Variants in DENND1B observed in about 807,000 individuals in gnomAD.
DENND1B encodes the protein DENN domain-containing protein 1B.
A neutral mutation model predicts 90.1 loss-of-function variants in DENND1B; 59 were observed. The observed-to-expected ratio is 0.65, with a 90% CI of 0.53 to 0.81. The LOEUF is 0.81. Ranked by LOEUF, DENND1B falls within the 40% of genes least tolerant of loss-of-function variation. The pLI, the probability that DENND1B is intolerant of heterozygous loss-of-function variation, is 0.00. For synonymous variants in DENND1B, 337 were observed against 324.6 expected, an observed-to-expected ratio of 1.04 and a Z score of -0.41; for missense variants, 862 against 912.6, an observed-to-expected ratio of 0.94 and a Z score of 0.71.
intron 20 of DENND1B, among the ~76,000 whole-genome samples, chr1:197,535,517 C>T (rs1322258798): frequency 6.6e-6 from 1 of 152,176 alleles, no homozygotes; most frequent in Non-Finnish European, 1.5e-5. Flanking sequence ...ATACTCAGAA[C>T]AGCATGTCAT....
chr1:197,623,519 ATGTT>A (rs1678362628), intron 10 of DENND1B, among the ~76,000 whole-genome samples: 1 of 151,532 alleles, frequency 6.6e-6, no homozygotes, highest in Admixed American at 6.6e-5. Flanking sequence ...TTATAAGAAA[ATGTT>A]TGGAGAACAG....
chr1:197,578,234 TTTGTTG>T lies in DENND1B; in HGVS notation c.1149+4912_1149+4917del, dbSNP rs372241433. Among the ~76,000 whole-genome samples, 700 of 151,708 alleles carry T rather than the reference TTTGTTG, an allele frequency of 4.6e-3. 11 individuals are homozygous for T. Among genetic ancestry groups the T allele is most frequent in the African/African-American group, 0.016 (645 of 41,390 alleles). ...TTGCTAAAAGAGTAGGGTTTTTGTT[TTTGTTG>T]TTGTTGTTGTTGTTGTTTCTTTGAG... On this transcript the variant is annotated intron_variant, in intron 15 of 22. Transcript: ENST00000620048.
chr1:197,579,538 G>A (rs183705330), intron 15 of DENND1B, among the ~76,000 whole-genome samples: 55 of 145,148 alleles, frequency 3.8e-4, no homozygotes, highest in African/African-American at 1.4e-3. Context: ...TGGATGTTAA[G>A]ACTTTATAAA....
chr1:197,630,223 A>G (rs892698190), intron 10 of DENND1B, among the ~76,000 whole-genome samples: 2 of 152,088 alleles, frequency 1.3e-5, no homozygotes, highest in Non-Finnish European at 2.9e-5. Flanking sequence ...GGGCTACTAT[A>G]ACAAAATACC....
At chr1:197,697,252 AT>A (rs891715747) in intron 3 of DENND1B, among the ~76,000 whole-genome samples, 32 of 150,854 alleles carry the variant, frequency 2.1e-4, no homozygotes, top group Admixed American at 2.7e-4. Context: ...ATAGCAGGGG[AT>A]TTTTTTTTAT....
At chr1:197,733,919 C>T (rs192708930) in intron 2 of DENND1B, 63 of 263,948 alleles carry the variant, frequency 2.4e-4, no homozygotes, top group African/African-American at 9.0e-4. Context: ...TTCCTCTATA[C>T]GTGCTCTTAA....
intron 16 of DENND1B, among the ~76,000 whole-genome samples, chr1:197,549,585 T>A (rs560484683): frequency 6.6e-6 from 1 of 152,238 alleles, no homozygotes; most frequent in African/African-American, 2.4e-5. Context: ...AGAAAGAATA[T>A]GTTCTTAACT....
chr1:197,707,282 A>G (rs1213503072), intron 3 of DENND1B, among the ~76,000 whole-genome samples: 1 of 152,148 alleles, frequency 6.6e-6, no homozygotes, highest in African/African-American at 2.4e-5. Context: ...TGGGGCTGAT[A>G]GCCAGAGGTT....
intron 2 of DENND1B, among the ~76,000 whole-genome samples, chr1:197,763,864 C>T (rs995735120): frequency 8.5e-5 from 13 of 152,180 alleles, no homozygotes; most frequent in African/African-American, 2.9e-4. Flanking sequence ...CAATTATTGA[C>T]TTGAAATTGA....
intron 20 of DENND1B, among the ~76,000 whole-genome samples, chr1:197,528,956 T>C (rs939921075): frequency 1.4e-4 from 21 of 151,946 alleles, no homozygotes; most frequent in African/African-American, 5.1e-4. Context: ...AAAATAAACG[T>C]CCACCAGTTT....
At chr1:197,672,765 G>T (rs911659252) in intron 4 of DENND1B, among the ~76,000 whole-genome samples, 11 of 151,912 alleles carry the variant, frequency 7.2e-5, no homozygotes, top group African/African-American at 2.7e-4. Flanking sequence ...AAAATAAAAG[G>T]CTTATCAGCT....
chr1:197,683,231 T>C (rs975302269), intron 3 of DENND1B, among the ~76,000 whole-genome samples: 10 of 152,278 alleles, frequency 6.6e-5, no homozygotes, highest in African/African-American at 2.2e-4. Flanking sequence ...ATCTAAATTA[T>C]AGCTGAAAAA....
At chr1:197,613,572 C>CA (rs1007548569) in intron 11 of DENND1B, among the ~76,000 whole-genome samples, 5 of 150,780 alleles carry the variant, frequency 3.3e-5, no homozygotes, top group African/African-American at 1.2e-4. Flanking sequence ...ACAGGAGGAA[C>CA]AAATGTGTAC....
At chr1:197,534,453 A>G (rs888786580) in intron 20 of DENND1B, among the ~76,000 whole-genome samples, 1 of 152,216 alleles carries the variant, frequency 6.6e-6, no homozygotes, top group Non-Finnish European at 1.5e-5. Context: ...CTCTTGTGAC[A>G]CTGAAAAGAT....
intron 10 of DENND1B, among the ~76,000 whole-genome samples, chr1:197,618,003 C>T (rs934675147): frequency 2.0e-5 from 3 of 150,952 alleles, no homozygotes; most frequent in East Asian, 2.0e-4. Flanking sequence ...CTGAAAATAC[C>T]GAGTTTGGGA....
At chr1:197,568,016 A>C (rs1672829365) in intron 15 of DENND1B, among the ~76,000 whole-genome samples, 1 of 146,546 alleles carries the variant, frequency 6.8e-6, no homozygotes, top group Non-Finnish European at 1.5e-5. Context: ...GAAGGAAGGA[A>C]GGAAGGAAGG....
chr1:197,727,894 A>C (rs568552969), intron 2 of DENND1B, among the ~76,000 whole-genome samples: 2 of 152,284 alleles, frequency 1.3e-5, no homozygotes, highest in South Asian at 4.1e-4. Context: ...TAAAGTGTAA[A>C]CTAATAGTTG....
rs768304710 is a variant in DENND1B, at chr1:197,510,636, C to T, written c.2152G>A (p.Gly718Ser). Residue 718 changes from glycine to serine, a missense_variant, in exon 23 of 23, where the codon GGT (glycine) becomes AGT (serine). Coordinates refer to ENST00000620048, the MANE Select transcript of DENND1B (RefSeq NM_001195215.2). Reference sequence around the variant, plus strand: ...AAAGTCGATGAATGCCGCCCAAGACCGGGTATAAGCAGATCATCTGAAATC... The same window carrying T: ...AAAGTCGATGAATGCCGCCCAAGACTGGGTATAAGCAGATCATCTGAAATC... ...SQISDDLLIPGLGRHSSTFVP... is the reference protein window; with the variant it reads ...SQISDDLLIPSLGRHSSTFVP... 9.3e-6 allele frequency: 15 copies of T among 1,612,758 alleles called. No homozygotes were observed. Among genetic ancestry groups the T allele is most frequent in the Middle Eastern group, 1.7e-4 (1 of 6,050 alleles).
At chr1:197,644,182 T>C (rs1288819658) in intron 9 of DENND1B, among the ~76,000 whole-genome samples, 3 of 152,234 alleles carry the variant, frequency 2.0e-5, no homozygotes, top group African/African-American at 7.2e-5. Flanking sequence ...AAGATTAGTA[T>C]ATTTCCTATA....
Sources: allele counts gnomAD v4.1 joint callset (sites outside exome capture counted in the v4.1 genomes callset), GRCh38; gene constraint gnomAD v4.1.1; transcripts MANE v1.5; gene names NCBI Gene and HGNC (gene_info 2026-07-23, HGNC 2026-07-21).